The following PKIB variants were observed in gnomAD, a reference collection of about 807,000 sequenced individuals.
PKIB encodes cAMP-dependent protein kinase inhibitor beta.
In PKIB, 2 loss-of-function variants were observed where a neutral mutation model predicts 4.5. That is an observed-to-expected ratio of 0.44 (90% CI 0.18 to 1.39). The LOEUF is 1.39. PKIB is among the 40% of genes most tolerant of loss of function. PKIB has a pLI of 0.27. For synonymous variants in PKIB, 38 were observed against 36.0 expected, an observed-to-expected ratio of 1.06 and a Z score of -0.20; for missense variants, 94 against 92.6, an observed-to-expected ratio of 1.02 and a Z score of -0.06.
At chr6:122,653,354 G>C (rs1349038876) in intron 2 of PKIB, among the ~76,000 whole-genome samples, 1 of 152,052 alleles carries the variant, frequency 6.6e-6, no homozygotes, top group Admixed American at 6.6e-5. Flanking sequence ...CCAAGCTCTT[G>C]TGATTTGCTT....
intron 2 of PKIB, among the ~76,000 whole-genome samples, chr6:122,507,942 C>T (rs888179147): frequency 6.6e-6 from 1 of 151,898 alleles, no homozygotes; most frequent in African/African-American, 2.4e-5. Context: ...TAACAAGAGC[C>T]AATTGTAACT....
At chr6:122,694,459 G>A (rs775017980) in intron 3 of PKIB, among the ~76,000 whole-genome samples, 1 of 152,022 alleles carries the variant, frequency 6.6e-6, no homozygotes, top group African/African-American at 2.4e-5. Context: ...CCCACGTTAA[G>A]ATTTGTAAAA....
chr6:122,717,441 A>C (rs1257605340), intron 3 of PKIB: 19 of 324,902 alleles, frequency 5.8e-5, no homozygotes, highest in Non-Finnish European at 1.0e-4. Flanking sequence ...AGGAGTGGTC[A>C]AAAAAGTCAG....
At chr6:122,637,174 A>G (rs1035377289) in intron 2 of PKIB, among the ~76,000 whole-genome samples, 1 of 152,208 alleles carries the variant, frequency 6.6e-6, no homozygotes. Flanking sequence ...TTGGAGATTG[A>G]TAGACTTGAT....
chr6:122,693,698 G>A (rs1778441095), intron 3 of PKIB, among the ~76,000 whole-genome samples: 1 of 152,150 alleles, frequency 6.6e-6, no homozygotes, highest in Non-Finnish European at 1.5e-5. Flanking sequence ...AAGTTCACTT[G>A]GAAAGCACTC....
chr6:122,514,022 G>A (rs1304419029), intron 2 of PKIB, among the ~76,000 whole-genome samples: 1 of 152,152 alleles, frequency 6.6e-6, no homozygotes, highest in Non-Finnish European at 1.5e-5. Flanking sequence ...GTGATTTAAA[G>A]TTTCATATTT....
intron 1 of PKIB, among the ~76,000 whole-genome samples, chr6:122,627,772 C>T (rs1052415211): frequency 6.6e-6 from 1 of 151,944 alleles, no homozygotes; most frequent in South Asian, 2.1e-4. Context: ...CCTTTCTTGA[C>T]GTAACATAGA....
chr6:122,474,717 CA>C (rs890901617), intron 1 of PKIB, among the ~76,000 whole-genome samples: 14 of 152,302 alleles, frequency 9.2e-5, no homozygotes, highest in African/African-American at 3.4e-4. Flanking sequence ...AATAGACATG[CA>C]CAGAAATGGG....
rs184088028 is a variant in PKIB, at chr6:122,658,615, G to A, written c.-75-16463G>A. On this transcript the variant is annotated intron_variant, in intron 2 of 4. Coordinates refer to ENST00000368452, the MANE Select transcript of PKIB (RefSeq NM_181795.3). ...ACTATGGAAGTGTAACATAAACTTG[G>A]AGTTCAAGCTTGATTTTTCCTTATT... 7.3e-3 allele frequency among the ~76,000 whole-genome samples: 1,111 copies of A among 151,918 alleles called. 5 individuals carry two copies. Among genetic ancestry groups the A allele is most frequent in the Non-Finnish European group, 0.011 (775 of 67,978 alleles).
intron 3 of PKIB, among the ~76,000 whole-genome samples, chr6:122,684,325 C>G (rs1045233806): frequency 6.6e-5 from 10 of 152,074 alleles, no homozygotes; most frequent in African/African-American, 1.9e-4. Context: ...TGTTAAGCAC[C>G]TAGATCTCAT....
intron 3 of PKIB, among the ~76,000 whole-genome samples, chr6:122,697,952 A>G (rs983840163): frequency 2.6e-5 from 4 of 152,120 alleles, no homozygotes; most frequent in African/African-American, 7.2e-5. Flanking sequence ...GAAACAAGAG[A>G]TTCACAGAGT....
intron 2 of PKIB, among the ~76,000 whole-genome samples, chr6:122,564,389 A>G (rs1773121854): frequency 6.6e-6 from 1 of 152,090 alleles, no homozygotes; most frequent in African/African-American, 2.4e-5. Context: ...TCCTCTCTAA[A>G]AAGTACAAAG....
chr6:122,474,937 C>G (rs188190294), intron 1 of PKIB, among the ~76,000 whole-genome samples: 1 of 152,254 alleles, frequency 6.6e-6, no homozygotes, highest in East Asian at 1.9e-4. Context: ...CAATATTAAC[C>G]AATGTAATTT....
At chr6:122,545,473 T>A (rs905098997) in intron 2 of PKIB, among the ~76,000 whole-genome samples, 1 of 151,726 alleles carries the variant, frequency 6.6e-6, no homozygotes, top group African/African-American at 2.4e-5. Context: ...AAGGGGTACA[T>A]GTATAGGTTT....
intron 2 of PKIB, among the ~76,000 whole-genome samples, chr6:122,491,182 C>A (rs1013165424): frequency 2.0e-5 from 3 of 152,212 alleles, no homozygotes; most frequent in Admixed American, 1.3e-4. Flanking sequence ...TCTTGACATA[C>A]TTCCATGGTC....
intron 2 of PKIB, among the ~76,000 whole-genome samples, chr6:122,507,958 T>G (rs1776464756): frequency 2.0e-5 from 3 of 152,130 alleles, no homozygotes. Flanking sequence ...TAACTGTATA[T>G]GAGGGGTGGA....
chr6:122,471,995 T>A, exon 1 of PKIB: 1 of 816,970 alleles, frequency 1.2e-6, no homozygotes, highest in Non-Finnish European at 1.8e-6. Flanking sequence ...GCTGGAAACT[T>A]AACGGCTAAT....
At chr6:122,555,896 A>G (rs1328877981) in intron 2 of PKIB, among the ~76,000 whole-genome samples, 2 of 152,232 alleles carry the variant, frequency 1.3e-5, no homozygotes, top group African/African-American at 4.8e-5. Context: ...ATACAGAAAT[A>G]TCACACAAAA....
At position 122,522,641 on chromosome 6, in the gene PKIB, T is replaced by C. The variant is rs1156360139; in HGVS notation, c.-248+44702T>C. On this transcript the variant is annotated intron_variant, in intron 2 of 6. Transcript: ENST00000392491. ...CTGGGCTGGATAGCTCTGTCCCTCA[T>C]GGCTTCCCTTGGCTAGTGGAGGGAG... Among the ~76,000 whole-genome samples the C allele has an allele frequency of 2.6e-5, 4 of 152,138 alleles. No homozygotes were observed. The East Asian group carries it at 5.8e-4, about 22-fold the overall frequency.
Sources: allele counts gnomAD v4.1 joint callset (sites outside exome capture counted in the v4.1 genomes callset), GRCh38; gene constraint gnomAD v4.1.1; transcripts MANE v1.5; gene names NCBI Gene and HGNC (gene_info 2026-07-23, HGNC 2026-07-21).